Variants in OSBPL2 observed in about 807,000 individuals in gnomAD.
OSBPL2 encodes oxysterol-binding protein-related protein 2.
In OSBPL2, 18 loss-of-function variants were observed where a neutral mutation model predicts 58.4. That is an observed-to-expected ratio of 0.31 (90% CI 0.21 to 0.46). The LOEUF (loss-of-function observed/expected upper bound fraction) is 0.46, where lower values mean the gene tolerates loss of function less well. Among genes scored for constraint, OSBPL2 ranks in the 20% least tolerant of loss-of-function variants. The pLI is 1.00. For missense variants in OSBPL2, 461 were observed against 616.5 expected (o/e 0.75, Z 2.67); for synonymous variants, 221 against 234.1 (o/e 0.94, Z 0.51).
At chr20:62,245,995 C>T (rs1217193729) in intron 1 of OSBPL2, among the ~76,000 whole-genome samples, 1 of 152,230 alleles carries the variant, frequency 6.6e-6, no homozygotes, top group Non-Finnish European at 1.5e-5. Context: ...CCTGGCCTGG[C>T]GGTGTCCTTG....
chr20:62,248,109 CTT>C (rs980192689), intron 1 of OSBPL2, among the ~76,000 whole-genome samples: 104 of 149,960 alleles, frequency 6.9e-4, no homozygotes, highest in African/African-American at 2.5e-3. Context: ...TGAAATAAAA[CTT>C]ATATTTTCTC....
chr20:62,273,201 A>C, intron 5 of OSBPL2, 108 bp from the exon 6 acceptor site: 1 of 845,342 alleles, frequency 1.2e-6, no homozygotes, highest in Non-Finnish European at 2.0e-6. Flanking sequence ...CGCACACGGA[A>C]CAAATAGTGA....
intron 1 of OSBPL2, among the ~76,000 whole-genome samples, chr20:62,241,736 C>T (rs1447520940): frequency 2.0e-5 from 3 of 152,226 alleles, no homozygotes; most frequent in Admixed American, 6.5e-5. Flanking sequence ...GTGTCTGATA[C>T]GTTGTGGGTG....
intron 1 of OSBPL2, among the ~76,000 whole-genome samples, chr20:62,243,411 C>T (rs527295856): frequency 3.2e-4 from 49 of 152,134 alleles, no homozygotes; most frequent in Non-Finnish European, 5.7e-4. Context: ...CAGAGGTGCC[C>T]GAGGAGCCCT....
intron 6 of OSBPL2, among the ~76,000 whole-genome samples, chr20:62,278,019 T>TG (rs757986171): frequency 3.3e-5 from 5 of 152,188 alleles, no homozygotes; most frequent in Non-Finnish European, 5.9e-5. Flanking sequence ...GTTGAGGGTT[T>TG]GGAGTCAGAG....
intron 3 of OSBPL2, among the ~76,000 whole-genome samples, chr20:62,263,108 G>A (rs879270724): frequency 7.2e-5 from 11 of 152,234 alleles, no homozygotes; most frequent in African/African-American, 4.8e-5. Context: ...CCTGGTGCAA[G>A]CATGAGGGCA....
At position 62,288,197 on chromosome 20, in the gene OSBPL2, C is replaced by T. The variant is rs1479040757; in HGVS notation, c.1126-1010C>T. ...AGTATTTGCTGTGAGTGACATGGGG[C>T]ACCAGGAGTCATTTGAGCAGGGGGT... is the stretch of plus-strand genomic sequence containing the variant. On this transcript the variant is annotated intron_variant, in intron 11 of 13. Coordinates refer to ENST00000313733, the MANE Select transcript of OSBPL2 (RefSeq NM_144498.4). This position sits in a 1 kb window ranked among gnomAD's most constrained non-coding sequence, Gnocchi z 4.8. Among the ~76,000 whole-genome samples the T allele has an allele frequency of 6.6e-6, 1 of 152,180 alleles. No homozygotes were observed. The highest frequency in any genetic ancestry group is 1.5e-5 in the Non-Finnish European group (1 of 68,034).
intron 13 of OSBPL2, among the ~76,000 whole-genome samples, chr20:62,293,163 T>A (rs896151803): frequency 4.1e-5 from 6 of 147,940 alleles, no homozygotes; most frequent in African/African-American, 1.5e-4. Context: ...GCGCCCGGCC[T>A]GTTCATTGTT....
intron 6 of OSBPL2, among the ~76,000 whole-genome samples, chr20:62,274,632 A>G (rs1419527096): frequency 6.6e-6 from 1 of 151,996 alleles, no homozygotes; most frequent in Non-Finnish European, 1.5e-5. Context: ...CTCTGGGAAG[A>G]AGGAGCTTGC....
intron 1 of OSBPL2, among the ~76,000 whole-genome samples, chr20:62,241,330 C>A (rs1433409426): frequency 6.6e-6 from 1 of 152,210 alleles, no homozygotes; most frequent in Non-Finnish European, 1.5e-5. Context: ...GTAGCTGGGA[C>A]TACAGGCGCC....
intron 1 of OSBPL2, among the ~76,000 whole-genome samples, chr20:62,247,420 C>T (rs945952966): frequency 2.6e-5 from 4 of 152,224 alleles, no homozygotes; most frequent in Non-Finnish European, 5.9e-5. Flanking sequence ...GCTGCCCCCA[C>T]GCCGCAGCTG....
intron 13 of OSBPL2, among the ~76,000 whole-genome samples, chr20:62,293,324 G>A (rs574669455): frequency 1.9e-4 from 29 of 152,274 alleles, no homozygotes; most frequent in South Asian, 2.1e-4. Context: ...GGCTGTGGAC[G>A]GCGGCTGAAC....
At chr20:62,247,049 C>G (rs567789376) in intron 1 of OSBPL2, among the ~76,000 whole-genome samples, 1 of 152,326 alleles carries the variant, frequency 6.6e-6, no homozygotes, top group African/African-American at 2.4e-5. Context: ...AGAAGTCCTG[C>G]AGGGATGTGA....
intron 1 of OSBPL2, among the ~76,000 whole-genome samples, chr20:62,250,766 T>G (rs1474033063): frequency 6.6e-6 from 1 of 151,966 alleles, no homozygotes; most frequent in African/African-American, 2.4e-5. Flanking sequence ...ACAAGCAGTT[T>G]TTTAAACAAT....
chr20:62,248,398 C>T (rs977540339), intron 1 of OSBPL2, among the ~76,000 whole-genome samples: 8 of 152,006 alleles, frequency 5.3e-5, no homozygotes, highest in Non-Finnish European at 8.8e-5. Flanking sequence ...TCAGGTGATC[C>T]GTCCACCTCG....
chr20:62,244,577 C>T (rs1438109711), intron 1 of OSBPL2, among the ~76,000 whole-genome samples: 5 of 152,234 alleles, frequency 3.3e-5, no homozygotes, highest in Non-Finnish European at 5.9e-5. Context: ...TGTTTTTGTA[C>T]GGAAGCGCTT....
chr20:62,249,088 G>A (rs955214555), intron 1 of OSBPL2, among the ~76,000 whole-genome samples: 5 of 152,176 alleles, frequency 3.3e-5, no homozygotes, highest in African/African-American at 1.2e-4. Flanking sequence ...CTGGTGGGAC[G>A]GGGACAGCAC....
chr20:62,253,651 A>C (rs995529529), intron 1 of OSBPL2, among the ~76,000 whole-genome samples: 1 of 143,368 alleles, frequency 7.0e-6, no homozygotes, highest in African/African-American at 2.5e-5. Flanking sequence ...CTGTCATCTC[A>C]TGGCAGAAGG....
rs1981938319 is a variant in OSBPL2 at position 62,269,879 on chromosome 20, C to G, written c.259-2246C>G. On this transcript the variant is annotated intron_variant, in intron 4 of 13. Coordinates refer to ENST00000313733, the MANE Select transcript of OSBPL2 (RefSeq NM_144498.4). The surrounding 1 kb of genome is among the most constrained non-coding windows in gnomAD (Gnocchi z 4.2). Reference sequence around the variant, plus strand: ...GTGCCGGGGCTGCCTCAGTTGGAATCCAGTTCTAGCCCCTCCTAAGCCCAC... The same window carrying G: ...GTGCCGGGGCTGCCTCAGTTGGAATGCAGTTCTAGCCCCTCCTAAGCCCAC... 6.6e-6 allele frequency among the ~76,000 whole-genome samples: 1 copy of G among 152,254 alleles called. No homozygotes were observed. Among genetic ancestry groups the G allele is most frequent in the Admixed American group, 6.5e-5 (1 of 15,292 alleles).
Sources: allele counts gnomAD v4.1 joint callset (sites outside exome capture counted in the v4.1 genomes callset), GRCh38; gene constraint gnomAD v4.1.1; non-coding constraint Gnocchi (gnomAD v3.1); transcripts MANE v1.5; gene names NCBI Gene and HGNC (gene_info 2026-07-23, HGNC 2026-07-21).